The following RBFOX1 variants were observed in gnomAD, a reference collection of about 807,000 sequenced individuals.
The protein encoded by RBFOX1 is RNA binding fox-1 homolog 1, also known as RNA binding protein fox-1 homolog 1.
Under a neutral mutation model 57.7 loss-of-function variants are expected in RBFOX1, and 8 were observed. The ratio of observed to expected loss-of-function variants is 0.14; its 90% CI spans 0.08 to 0.25. The LOEUF is 0.25. Ranked by LOEUF, RBFOX1 falls within the 10% of genes least tolerant of loss-of-function variation. The probability of loss-of-function intolerance (pLI) is 1.00; values close to 1 mark genes in which losing one functional copy is unlikely to be tolerated. For missense variants in RBFOX1, 611 were observed against 548.5 expected (o/e 1.11, Z -1.14); for synonymous variants, 326 against 222.4 (o/e 1.47, Z -4.15).
chr16:7,009,211 T>TCTCTGTCC (rs1325530341), intron 3 of RBFOX1, among the ~76,000 whole-genome samples: 2 of 131,110 alleles, frequency 1.5e-5, no homozygotes, highest in African/African-American at 2.8e-5. Flanking sequence ...TCCCTCTTTC[T>TCTCTGTCC]CTCTGTCCCT....
At chr16:5,772,317 G>A (rs190301091) in intron 3 of RBFOX1, among the ~76,000 whole-genome samples, 10 of 152,144 alleles carry the variant, frequency 6.6e-5, no homozygotes, top group African/African-American at 2.4e-4. Flanking sequence ...TGTAGAGTCT[G>A]TACGCCGCCT....
At chr16:5,903,175 C>T (rs938718568) in intron 4 of RBFOX1, among the ~76,000 whole-genome samples, 1 of 152,064 alleles carries the variant, frequency 6.6e-6, no homozygotes, top group South Asian at 2.1e-4. Context: ...ATGTTCTGCA[C>T]TGGAAAATGT....
At chr16:6,787,416 G>C (rs1369053116) in intron 3 of RBFOX1, among the ~76,000 whole-genome samples, 1 of 152,184 alleles carries the variant, frequency 6.6e-6, no homozygotes, top group African/African-American at 2.4e-5. Context: ...ACAATGCCGT[G>C]TGATTTCCAA....
intron 4 of RBFOX1, among the ~76,000 whole-genome samples, chr16:7,457,804 A>G (rs2058814761): frequency 6.6e-6 from 1 of 151,354 alleles, no homozygotes; most frequent in Non-Finnish European, 1.5e-5. Context: ...CACACCAAGC[A>G]GCCAAAGTTG....
intron 1 of RBFOX1, among the ~76,000 whole-genome samples, chr16:6,076,546 C>G (rs1308030461): frequency 6.6e-6 from 1 of 152,102 alleles, no homozygotes; most frequent in African/African-American, 2.4e-5. Flanking sequence ...TAGCTCACTG[C>G]AGCCTCGATC....
chr16:6,483,156 A>C, intron 2 of RBFOX1: 1 of 1,084,542 alleles, frequency 9.2e-7, no homozygotes, highest in Non-Finnish European at 1.1e-6. Context: ...TTGCAAAAAC[A>C]TTGGGCGTCT....
intron 1 of RBFOX1, among the ~76,000 whole-genome samples, chr16:6,027,646 G>C (rs967640760): frequency 6.6e-6 from 1 of 152,176 alleles, no homozygotes; most frequent in African/African-American, 2.4e-5. Context: ...GTGCAAGTAG[G>C]AGTCATAGGG....
At chr16:5,952,087 G>T (rs1597928745) in intron 4 of RBFOX1, among the ~76,000 whole-genome samples, 1 of 147,624 alleles carries the variant, frequency 6.8e-6, no homozygotes, top group African/African-American at 2.5e-5. Flanking sequence ...GTGTATATAT[G>T]CATATATATA....
chr16:6,932,380 T>A (rs2076705913), intron 3 of RBFOX1, among the ~76,000 whole-genome samples: 1 of 152,208 alleles, frequency 6.6e-6, no homozygotes, highest in South Asian at 2.1e-4. Flanking sequence ...GTGCTGGGAT[T>A]ACATGCATGA....
intron 1 of RBFOX1, among the ~76,000 whole-genome samples, chr16:6,086,945 C>T (rs577345897): frequency 2.2e-4 from 33 of 152,258 alleles, no homozygotes; most frequent in African/African-American, 6.0e-4. Flanking sequence ...GCCAGAAAAA[C>T]ACAGAGCTGG....
At chr16:7,491,893 T>C (rs1290296862) in intron 4 of RBFOX1, among the ~76,000 whole-genome samples, 1 of 152,178 alleles carries the variant, frequency 6.6e-6, no homozygotes, top group African/African-American at 2.4e-5. Flanking sequence ...TGGCCAATCT[T>C]CCAAATCTGG....
chr16:6,286,107 C>T (rs2076881722), intron 1 of RBFOX1, among the ~76,000 whole-genome samples: 1 of 152,068 alleles, frequency 6.6e-6, no homozygotes, highest in South Asian at 2.1e-4. Flanking sequence ...AGGAGAAATG[C>T]TGAAATATGT....
intron 5 of RBFOX1, among the ~76,000 whole-genome samples, chr16:7,545,544 G>A (rs564678230): frequency 9.9e-5 from 15 of 152,234 alleles, no homozygotes; most frequent in Non-Finnish European, 2.1e-4. Context: ...ACAGGACTGT[G>A]CTATTTCTTA....
At chr16:5,936,991 G>C (rs1046568797) in intron 4 of RBFOX1, among the ~76,000 whole-genome samples, 9 of 152,146 alleles carry the variant, frequency 5.9e-5, no homozygotes, top group Non-Finnish European at 1.3e-4. Context: ...ATCAGTGTCA[G>C]TGTACCTTTT....
intron 4 of RBFOX1, among the ~76,000 whole-genome samples, chr16:7,066,873 C>A (rs1285267861): frequency 6.6e-6 from 1 of 152,158 alleles, no homozygotes; most frequent in East Asian, 1.9e-4. Context: ...CTATTTCTAG[C>A]CATTTACTTA....
Position 6,658,009 on chromosome 16 carries a change from A to G in RBFOX1, c.-16+3359A>G, listed in dbSNP as rs562496703. The stretch of plus-strand genomic sequence containing the variant: ...TATATGGATATATTTGTGTACCTCG[A>G]TTTATAGCTATGTATATTGTTGAAT... On this transcript the variant is annotated intron_variant, in intron 3 of 15. Coordinates refer to ENST00000550418, the MANE Select transcript of RBFOX1 (RefSeq NM_018723.4). Among the ~76,000 whole-genome samples the G allele has an allele frequency of 4.6e-5, 7 of 151,960 alleles. No individual in the cohort carries two copies. The South Asian group carries it at 1.2e-3, about 27-fold the overall frequency.
chr16:7,282,001 G>T (rs1330621696), intron 4 of RBFOX1, among the ~76,000 whole-genome samples: 3 of 152,080 alleles, frequency 2.0e-5, no homozygotes, highest in African/African-American at 7.2e-5. Context: ...GAGTAGCTGG[G>T]ACCACAGGCG....
intron 1 of RBFOX1, among the ~76,000 whole-genome samples, chr16:6,073,717 A>C (rs1340072539): frequency 6.6e-6 from 1 of 152,192 alleles, no homozygotes. Context: ...TAGAGTTTTT[A>C]TATTAGTTGT....
chr16:6,103,768 A>C (rs767691126), intron 1 of RBFOX1, among the ~76,000 whole-genome samples: 2 of 151,944 alleles, frequency 1.3e-5, no homozygotes, highest in Non-Finnish European at 2.9e-5. Context: ...CAGTCATGTG[A>C]CCTCCATTTC....
Sources: allele counts gnomAD v4.1 joint callset (sites outside exome capture counted in the v4.1 genomes callset), GRCh38; gene constraint gnomAD v4.1.1; transcripts MANE v1.5; gene names NCBI Gene and HGNC (gene_info 2026-07-23, HGNC 2026-07-21).